RAD51B: variants seen among roughly 807,000 people sequenced by gnomAD.
RAD51B encodes the protein RAD51 paralog B, also known as DNA repair protein RAD51 homolog 2.
Under a neutral mutation model 42.2 loss-of-function variants are expected in RAD51B, and 38 were observed. That is an observed-to-expected ratio of 0.90 (90% CI 0.70 to 1.18). RAD51B has a LOEUF of 1.18. Ranked by LOEUF, RAD51B falls within the 50% of genes most tolerant of loss-of-function variation. The pLI is 0.00. For missense variants in RAD51B, 373 were observed against 400.7 expected, an observed-to-expected ratio of 0.93 and a Z score of 0.59; for synonymous variants, 154 against 145.2, an observed-to-expected ratio of 1.06 and a Z score of -0.43.
intron 7 of RAD51B, among the ~76,000 whole-genome samples, chr14:67,893,516 A>ACAAC (rs1555411763): frequency 7.8e-5 from 8 of 102,872 alleles, no homozygotes; most frequent in Non-Finnish European, 1.5e-4. Flanking sequence ...ACACAAAAAA[A>ACAAC]AACAATTAGC....
At chr14:68,556,011 T>C (rs1888824731) in intron 10 of RAD51B, among the ~76,000 whole-genome samples, 1 of 152,242 alleles carries the variant, frequency 6.6e-6, no homozygotes, top group Non-Finnish European at 1.5e-5. Flanking sequence ...ACATTTGACA[T>C]AGAAGGGAAG....
chr14:68,636,043 T>C (rs1203851952), intron 10 of RAD51B, among the ~76,000 whole-genome samples: 1 of 152,248 alleles, frequency 6.6e-6, no homozygotes, highest in Non-Finnish European at 1.5e-5. Context: ...AAATTGTCCA[T>C]TGAGGCCTCC....
chr14:68,497,166 C>T, intron 10 of RAD51B: 2 of 1,398,656 alleles, frequency 1.4e-6, no homozygotes, highest in Non-Finnish European at 1.9e-6. Context: ...CAAACCTGTT[C>T]ATCTTGCCAA....
intron 7 of RAD51B, among the ~76,000 whole-genome samples, chr14:67,950,490 CCTTAA>C (rs1189543044): frequency 2.6e-5 from 4 of 152,198 alleles, no homozygotes; most frequent in Non-Finnish European, 4.4e-5. Flanking sequence ...TAGGCTTTGG[CCTTAA>C]GGTAATGTTG....
intron 10 of RAD51B, chr14:68,610,871 G>GTGTGTT (rs1891651053): frequency 1.3e-5 from 8 of 628,944 alleles, no homozygotes; most frequent in East Asian, 8.2e-5. Context: ...GTGTGTGTGT[G>GTGTGTT]TGTGTGTGTG....
intron 10 of RAD51B, among the ~76,000 whole-genome samples, chr14:68,485,266 G>A (rs1883533602): frequency 6.6e-6 from 1 of 152,146 alleles, no homozygotes; most frequent in African/African-American, 2.4e-5. Flanking sequence ...CACAGCCTAG[G>A]CATCTCTTTT....
chr14:68,656,595 C>G (rs1208152100), intron 11 of RAD51B, among the ~76,000 whole-genome samples: 1 of 152,120 alleles, frequency 6.6e-6, no homozygotes, highest in Non-Finnish European at 1.5e-5. Flanking sequence ...CACAGAGCCC[C>G]TTTCTCCTGC....
intron 7 of RAD51B, among the ~76,000 whole-genome samples, chr14:67,997,304 A>G (rs2075401511): frequency 6.6e-6 from 1 of 152,218 alleles, no homozygotes; most frequent in African/African-American, 2.4e-5. Flanking sequence ...GGATTCAGGC[A>G]AAGTAGGGGA....
At chr14:68,038,268 G>A (rs1020331531) in intron 7 of RAD51B, among the ~76,000 whole-genome samples, 12 of 152,174 alleles carry the variant, frequency 7.9e-5, no homozygotes, top group Admixed American at 2.0e-4. Flanking sequence ...TTTATGTTGT[G>A]GTGGTTGTAT....
intron 9 of RAD51B, among the ~76,000 whole-genome samples, chr14:68,453,864 A>G (rs554168116): frequency 1.3e-5 from 2 of 152,290 alleles, no homozygotes; most frequent in Non-Finnish European, 2.9e-5. Context: ...ATGATTGAAA[A>G]CCAAGGATCA....
chr14:68,327,400 A>G (rs538848294), intron 8 of RAD51B, among the ~76,000 whole-genome samples: 1 of 150,558 alleles, frequency 6.6e-6, no homozygotes, highest in African/African-American at 2.4e-5. Context: ...TTTTTTAACA[A>G]AGAGTTGTTC....
At chr14:68,679,782 C>G (rs190487217) in intron 11 of RAD51B, among the ~76,000 whole-genome samples, 1 of 152,236 alleles carries the variant, frequency 6.6e-6, no homozygotes, top group African/African-American at 2.4e-5. Flanking sequence ...TCTTCCACAG[C>G]TGTACTTCAG....
At chr14:68,349,917 T>C (rs1566825645) in intron 8 of RAD51B, among the ~76,000 whole-genome samples, 1 of 152,224 alleles carries the variant, frequency 6.6e-6, no homozygotes, top group South Asian at 2.1e-4. Context: ...ACTATAAAAT[T>C]ACACATAGAT....
intron 3 of RAD51B, among the ~76,000 whole-genome samples, chr14:67,829,122 A>C (rs1414180139): frequency 6.6e-6 from 1 of 152,088 alleles, no homozygotes; most frequent in East Asian, 1.9e-4. Flanking sequence ...ATGAGCATAG[A>C]ATGTTTTTCC....
At chr14:68,511,308 A>T (rs1594928907) in intron 10 of RAD51B, among the ~76,000 whole-genome samples, 2 of 152,216 alleles carry the variant, frequency 1.3e-5, no homozygotes, top group African/African-American at 4.8e-5. Context: ...TGCAGCCTTC[A>T]CTTGGCACCC....
intron 8 of RAD51B, among the ~76,000 whole-genome samples, chr14:68,299,817 A>G (rs2081689013): frequency 6.6e-6 from 1 of 152,238 alleles, no homozygotes; most frequent in Non-Finnish European, 1.5e-5. Context: ...AGACAGCCAG[A>G]TCACATGGGT....
chr14:68,564,974 C>T (rs1483106890), intron 10 of RAD51B, among the ~76,000 whole-genome samples: 2 of 152,248 alleles, frequency 1.3e-5, no homozygotes, highest in African/African-American at 4.8e-5. Context: ...CAGCCTCTCC[C>T]CTCACTGAGC....
intron 7 of RAD51B, among the ~76,000 whole-genome samples, chr14:67,918,396 G>A (rs61987502): frequency 6.6e-6 from 1 of 151,978 alleles, no homozygotes; most frequent in Non-Finnish European, 1.5e-5. Flanking sequence ...CATCACACCC[G>A]GCTAATTTTT....
chr14:68,208,609 A>G (rs2079641806), intron 7 of RAD51B, among the ~76,000 whole-genome samples: 1 of 152,218 alleles, frequency 6.6e-6, no homozygotes, highest in African/African-American at 2.4e-5. Flanking sequence ...GTTAGAAGCT[A>G]GAGAGGATCT....
Sources: allele counts gnomAD v4.1 joint callset (sites outside exome capture counted in the v4.1 genomes callset), GRCh38; gene constraint gnomAD v4.1.1; transcripts MANE v1.5; gene names NCBI Gene and HGNC (gene_info 2026-07-23, HGNC 2026-07-21).